GNB1L: variants seen among roughly 807,000 people sequenced by gnomAD.
GNB1L encodes guanine nucleotide-binding protein subunit beta-like protein 1.
In GNB1L, 20 loss-of-function variants were observed where a neutral mutation model predicts 29.1. The observed-to-expected ratio is 0.69, with a 90% CI of 0.48 to 1.00. The LOEUF (loss-of-function observed/expected upper bound fraction) is 1.00. Ranked by LOEUF, GNB1L falls within the 50% of genes least tolerant of loss-of-function variation. GNB1L has a pLI of 0.00. For missense variants in GNB1L, 421 were observed against 464.9 expected, an observed-to-expected ratio of 0.91 and a Z score of 0.87; for synonymous variants, 193 against 206.5, an observed-to-expected ratio of 0.93 and a Z score of 0.56.
intron 7 of GNB1L, among the ~76,000 whole-genome samples, chr22:19,797,160 C>T (rs1413534608): frequency 6.6e-6 from 1 of 152,092 alleles, no homozygotes; most frequent in Non-Finnish European, 1.5e-5. Flanking sequence ...CTCACGACCC[C>T]CCACCTCCAC....
chr22:19,801,637 G>A (rs1236669353), intron 7 of GNB1L, among the ~76,000 whole-genome samples: 2 of 149,484 alleles, frequency 1.3e-5, no homozygotes, highest in Non-Finnish European at 3.0e-5. Flanking sequence ...GCAGCTCCTC[G>A]CAGTTTTCCA....
chr22:19,805,769 G>A (rs1180189890), intron 6 of GNB1L, among the ~76,000 whole-genome samples: 1 of 151,826 alleles, frequency 6.6e-6, no homozygotes, highest in African/African-American at 2.4e-5. Context: ...GTGACAGAGC[G>A]AGACTCCATC....
chr22:19,821,007 G>A lies in GNB1L; in HGVS notation c.128+221C>T, dbSNP rs747886315. Among the ~76,000 whole-genome samples the A allele has an allele frequency of 5.3e-5, 8 of 152,328 alleles. No homozygotes were observed. In the South Asian group the frequency reaches 8.3e-4, roughly 16 times the overall value. Reference sequence around the variant, plus strand: ...CCACAGTAATGCACGCTGGGTGGTCGTGCCTGCTCCTGCGTCTGTAACAAA... The same window carrying A: ...CCACAGTAATGCACGCTGGGTGGTCATGCCTGCTCCTGCGTCTGTAACAAA... On this transcript the variant is annotated intron_variant, in intron 3 of 7. Coordinates refer to ENST00000329517, the MANE Select transcript of GNB1L (RefSeq NM_053004.3).
chr22:19,852,328 G>T, intron 2 of GNB1L: 1 of 1,513,424 alleles, frequency 6.6e-7, no homozygotes, highest in Non-Finnish European at 9.0e-7. Context: ...GGACAGATGT[G>T]GCTTGCACGA....
At chr22:19,800,040 G>A (rs951112740) in intron 7 of GNB1L, among the ~76,000 whole-genome samples, 2 of 152,218 alleles carry the variant, frequency 1.3e-5, no homozygotes, top group Admixed American at 6.5e-5. Flanking sequence ...ACCATGGGCC[G>A]ATGCCCTGCC....
intron 2 of GNB1L, chr22:19,846,875 C>T (rs1937974220): frequency 2.1e-6 from 2 of 948,830 alleles, no homozygotes; most frequent in African/African-American, 1.8e-5. Flanking sequence ...TGTTTAAGTC[C>T]CCTAGCCTGC....
intron 7 of GNB1L, among the ~76,000 whole-genome samples, chr22:19,795,584 G>T (rs777106659): frequency 7.9e-5 from 12 of 152,154 alleles, no homozygotes; most frequent in Admixed American, 5.2e-4. Context: ...AATTAAGCTA[G>T]ATTAAAGATA....
intron 5 of GNB1L, among the ~76,000 whole-genome samples, chr22:19,811,214 A>G (rs1569043873): frequency 6.6e-6 from 1 of 152,200 alleles, no homozygotes; most frequent in East Asian, 1.9e-4. Context: ...TTATTTCTGT[A>G]CTGGATCTGC....
intron 2 of GNB1L, among the ~76,000 whole-genome samples, chr22:19,823,817 A>G (rs1405514025): frequency 2.0e-5 from 3 of 152,150 alleles, no homozygotes. Flanking sequence ...ACACACATGC[A>G]CACACACAGG....
chr22:19,827,668 T>C (rs943244836), intron 2 of GNB1L, among the ~76,000 whole-genome samples: 1 of 152,202 alleles, frequency 6.6e-6, no homozygotes, highest in African/African-American at 2.4e-5. Flanking sequence ...CTCAGCAGAT[T>C]AGCAAAAAAT....
At chr22:19,850,887 G>A (rs1216239486) in intron 2 of GNB1L, 67 of 1,330,924 alleles carry the variant, frequency 5.0e-5, no homozygotes, top group Non-Finnish European at 5.7e-5. Context: ...CGACCCCCTC[G>A]TGGGAGCAGG....
intron 7 of GNB1L, among the ~76,000 whole-genome samples, chr22:19,801,024 T>A (rs1937364525): frequency 6.6e-6 from 1 of 152,130 alleles, no homozygotes; most frequent in Non-Finnish European, 1.5e-5. Context: ...AGGAATGCCC[T>A]CTCTGTGGCC....
chr22:19,800,056 C>T (rs747289686), intron 7 of GNB1L, among the ~76,000 whole-genome samples: 9 of 152,254 alleles, frequency 5.9e-5, no homozygotes, highest in East Asian at 1.9e-4. Flanking sequence ...CTGCCCAGCA[C>T]GCCACAGCCA....
intron 2 of GNB1L, chr22:19,846,476 C>A (rs1447902071): frequency 1.0e-6 from 1 of 985,148 alleles, no homozygotes; most frequent in Admixed American, 6.1e-5. Context: ...GCCTGGGGGA[C>A]TCTGCACACA....
chr22:19,807,993 C>T (rs377256621), intron 5 of GNB1L, among the ~76,000 whole-genome samples: 2 of 152,212 alleles, frequency 1.3e-5, no homozygotes, highest in African/African-American at 2.4e-5. Flanking sequence ...ACCTCCAGTA[C>T]GCGGACCAGG....
intron 2 of GNB1L, among the ~76,000 whole-genome samples, chr22:19,823,903 A>G (rs945979220): frequency 6.6e-5 from 10 of 152,198 alleles, no homozygotes; most frequent in African/African-American, 2.2e-4. Context: ...GTATGTGCAC[A>G]CACAGCACAG....
chr22:19,837,186 T>C (rs112965252), intron 2 of GNB1L, among the ~76,000 whole-genome samples: 19,151 of 152,086 alleles, frequency 0.13, 1,486 homozygotes, highest in Middle Eastern at 0.22. Context: ...CAGGATGGTG[T>C]TGATCTCCTG....
Position 19,788,792 on chromosome 22 carries a change from C to T in GNB1L, c.901G>A (p.Val301Met), listed in dbSNP as rs778356880. The change falls in exon 8 of 8, where the codon GTG becomes ATG. Residue 301 changes from valine to methionine, a missense_variant. Val to Met is a conservative substitution (Grantham distance 21). Coordinates refer to ENST00000329517, the MANE Select transcript of GNB1L (RefSeq NM_053004.3). ...AGCAAGCCATCGGCGGTGAAGGCCA[C>T]GCACTGGACAGCGGCGCTGTGGAAG... ...LAFHSAAVQC[V>M]AFTADGLLAA... The T allele has an allele frequency of 9.9e-6, 16 of 1,612,366 alleles. No homozygotes were observed. The highest frequency in any genetic ancestry group is 1.7e-5 in the Admixed American group (1 of 59,984).
At chr22:19,840,720 G>A (rs1937845853) in intron 2 of GNB1L, among the ~76,000 whole-genome samples, 1 of 151,888 alleles carries the variant, frequency 6.6e-6, no homozygotes, top group Admixed American at 6.6e-5. Context: ...TGAGGCAGGA[G>A]AATCGCTTGA....
Sources: gnomAD v4.1 joint callset for allele counts (sites outside exome capture counted in the v4.1 genomes callset) on GRCh38, gnomAD v4.1.1 for gene constraint, MANE v1.5 for transcripts, NCBI Gene and HGNC (gene_info 2026-07-23, HGNC 2026-07-21) for gene names.